GDA: variants seen among roughly 807,000 people sequenced by gnomAD.
The protein encoded by GDA is cytoplasmic PSD-95 interactor.
In GDA, 18 loss-of-function variants were observed where a neutral mutation model predicts 59.6. That is an observed-to-expected ratio of 0.30 (90% confidence interval 0.21 to 0.45). The LOEUF (loss-of-function observed/expected upper bound fraction) is 0.45. Ranked by LOEUF, GDA falls within the 20% of genes least tolerant of loss-of-function variation. GDA has a pLI of 1.00. For synonymous variants in GDA, 201 were observed against 201.1 expected, an observed-to-expected ratio of 1.00 and a Z score of 0.00; for missense variants, 427 against 552.3, an observed-to-expected ratio of 0.77 and a Z score of 2.27.
intron 12 of GDA, among the ~76,000 whole-genome samples, chr9:72,246,335 A>G (rs960899614): frequency 6.6e-6 from 1 of 152,160 alleles, no homozygotes; most frequent in Admixed American, 6.5e-5. Flanking sequence ...TTTGGTAGAG[A>G]CAGGGTTTCA....
Position 72,213,911 on chromosome 9 carries a change from G to C in GDA, c.498G>C (p.Val166=), listed in dbSNP as rs1008781385. 3 of 1,608,918 alleles carry C rather than the reference G, an allele frequency of 1.9e-6. No individual in the cohort carries two copies. The highest frequency in any genetic ancestry group is 2.6e-6 in the Non-Finnish European group (3 of 1,175,410). ...ITDKFGQRAF[V]GKVCMDLNDT... is the part of the protein sequence containing the mutation. ...ATAAATTTGGACAGCGGGCATTTGT[G>C]GGCAAAGTTTGCATGGATTTGAATG... Residue 166 remains valine (V), a synonymous_variant, in exon 5 of 14, where the codon GTG becomes GTC. Transcript: ENST00000358399.
intron 1 of GDA, among the ~76,000 whole-genome samples, chr9:72,187,791 A>G (rs1223767824): frequency 1.3e-5 from 2 of 152,248 alleles, no homozygotes; most frequent in Non-Finnish European, 2.9e-5. Context: ...CTAAGTGGTC[A>G]TGACCAGAAT....
intron 1 of GDA, among the ~76,000 whole-genome samples, chr9:72,130,249 A>G (rs1166217001): frequency 6.6e-6 from 1 of 152,218 alleles, no homozygotes; most frequent in Non-Finnish European, 1.5e-5. Flanking sequence ...AATAAAAACT[A>G]AAAAGTGGGC....
At chr9:72,121,746 T>C (rs917607617) in intron 1 of GDA, among the ~76,000 whole-genome samples, 5 of 152,234 alleles carry the variant, frequency 3.3e-5, no homozygotes, top group African/African-American at 1.2e-4. Flanking sequence ...CTATCTCCAC[T>C]GTACTTTGCA....
intron 1 of GDA, among the ~76,000 whole-genome samples, chr9:72,154,677 A>G (rs1284241162): frequency 6.6e-6 from 1 of 152,210 alleles, no homozygotes; most frequent in Non-Finnish European, 1.5e-5. Context: ...CATTATTTCC[A>G]CTAACAGATG....
In GDA at chr9:72,246,292, C is replaced by T. The variant is rs557139381; in HGVS notation, c.1266+1014C>T. ...CCTCCCAGGTAGCTGGGATTACAGG[C>T]GCCCACCACCACACCCACCTAATTT... On this transcript the variant is annotated intron_variant, in intron 12 of 13. Transcript: ENST00000358399. 1.8e-3 allele frequency among the ~76,000 whole-genome samples: 267 copies of T among 152,218 alleles called. 1 individual carries two copies. Among genetic ancestry groups the T allele is most frequent in the Non-Finnish European group, 3.1e-3 (212 of 68,012 alleles).
chr9:72,117,555 T>C (rs1468541000), intron 1 of GDA, among the ~76,000 whole-genome samples: 1 of 152,206 alleles, frequency 6.6e-6, no homozygotes, highest in Non-Finnish European at 1.5e-5. Flanking sequence ...GTCATGGTTC[T>C]AGATATCACA....
intron 3 of GDA, among the ~76,000 whole-genome samples, chr9:72,207,128 T>G (rs1254140181): frequency 6.6e-6 from 1 of 152,186 alleles, no homozygotes; most frequent in Non-Finnish European, 1.5e-5. Flanking sequence ...TCATCCCAAT[T>G]CATTCTCAGT....
chr9:72,149,959 G>A (rs111631652), intron 1 of GDA, among the ~76,000 whole-genome samples: 2,244 of 152,284 alleles, frequency 0.015, 38 homozygotes, highest in Non-Finnish European at 0.022. Flanking sequence ...CGGGAGCAAG[G>A]ATGTCACCCC....
intron 2 of GDA, among the ~76,000 whole-genome samples, chr9:72,200,883 AC>A (rs1323994214): frequency 3.3e-5 from 5 of 152,220 alleles, no homozygotes; most frequent in Admixed American, 6.5e-5. Flanking sequence ...GACCGAGAGT[AC>A]TGAACCTACA....
upstream of GDA, among the ~76,000 whole-genome samples, chr9:72,146,138 G>A (rs1803755471): frequency 6.6e-6 from 1 of 151,882 alleles, no homozygotes; most frequent in African/African-American, 2.4e-5. Flanking sequence ...AGGTGAGGGG[G>A]GGTTGGGGGT....
intron 7 of GDA, among the ~76,000 whole-genome samples, chr9:72,225,084 C>G (rs1161590935): frequency 6.6e-6 from 1 of 152,132 alleles, no homozygotes; most frequent in Non-Finnish European, 1.5e-5. Context: ...GAGTTTGAGA[C>G]CAGCCTGGCC....
chr9:72,181,065 T>C (rs1831143721), intron 1 of GDA, among the ~76,000 whole-genome samples: 1 of 152,234 alleles, frequency 6.6e-6, no homozygotes, highest in Non-Finnish European at 1.5e-5. Flanking sequence ...AAAAATAGCA[T>C]TTATTGTGAG....
chr9:72,159,222 C>T (rs956772743), intron 1 of GDA, among the ~76,000 whole-genome samples: 11 of 151,996 alleles, frequency 7.2e-5, no homozygotes, highest in Non-Finnish European at 2.9e-5. Context: ...GGTGAAACCC[C>T]GTCTCTACTA....
At chr9:72,220,368 C>T (rs763667856) in intron 6 of GDA, among the ~76,000 whole-genome samples, 5 of 152,038 alleles carry the variant, frequency 3.3e-5, no homozygotes, top group Non-Finnish European at 7.4e-5. Flanking sequence ...GTTTAGATAT[C>T]GTTCACATAT....
chr9:72,237,223 C>T (rs973605160), intron 10 of GDA, among the ~76,000 whole-genome samples: 6 of 152,196 alleles, frequency 3.9e-5, no homozygotes, highest in Non-Finnish European at 2.9e-5. Flanking sequence ...CAACTTCAGT[C>T]TGGATTCTTG....
At chr9:72,118,579 A>T (rs529085454) in intron 1 of GDA, among the ~76,000 whole-genome samples, 2 of 152,330 alleles carry the variant, frequency 1.3e-5, no homozygotes, top group South Asian at 4.1e-4. Context: ...AGAAAAGCCA[A>T]ACAATTGCAC....
intron 11 of GDA, among the ~76,000 whole-genome samples, chr9:72,243,633 T>C (rs1839854955): frequency 6.6e-6 from 1 of 152,230 alleles, no homozygotes; most frequent in Non-Finnish European, 1.5e-5. Flanking sequence ...TTCATACCCC[T>C]GTCTTGCTAA....
chr9:72,227,939 C>T lies in GDA; in HGVS notation c.823-4C>T, dbSNP rs368196362. 6 of 1,559,338 alleles carry T rather than the reference C, an allele frequency of 3.8e-6. No individual in the cohort carries two copies. In the African/African-American group the frequency reaches 6.8e-5, roughly 18 times the overall value. The stretch of plus-strand genomic sequence containing the variant: ...AACTCCACGTAGGGCACTCTTCTCT[C>T]CAGACAGTGATGGCACACGGCTGCT... On this transcript the variant is annotated splice_region_variant and splice_polypyrimidine_tract_variant and intron_variant, in intron 8 of 13. Transcript: ENST00000358399.
Sources: gnomAD v4.1 joint callset for allele counts (sites outside exome capture counted in the v4.1 genomes callset) on GRCh38, gnomAD v4.1.1 for gene constraint, MANE v1.5 for transcripts, NCBI Gene and HGNC (gene_info 2026-07-23, HGNC 2026-07-21) for gene names.